MYO3B: variants seen among roughly 807,000 people sequenced by gnomAD.
The protein encoded by MYO3B is myosin IIIB.
A neutral mutation model predicts 174.6 loss-of-function variants in MYO3B; 156 were observed. The observed-to-expected ratio is 0.89, with a 90% CI of 0.78 to 1.02. The LOEUF (loss-of-function observed/expected upper bound fraction) is 1.02. Among genes scored for constraint, MYO3B ranks in the 50% least tolerant of loss-of-function variants. The probability of loss-of-function intolerance (pLI) is 0.00; values close to 1 mark genes in which losing one functional copy is unlikely to be tolerated. For synonymous variants in MYO3B, 563 were observed against 569.1 expected (o/e 0.99, Z 0.15); for missense variants, 1,632 against 1,639.4 (o/e 1.00, Z 0.08).
intron 7 of MYO3B, among the ~76,000 whole-genome samples, chr2:170,295,275 A>G (rs1486821123): frequency 6.6e-6 from 1 of 151,792 alleles, no homozygotes; most frequent in African/African-American, 2.4e-5. Context: ...TATTTCTGAT[A>G]TTTTTGGATT....
chr2:170,528,542 A>G (rs1258199578), intron 30 of MYO3B, among the ~76,000 whole-genome samples: 1 of 152,094 alleles, frequency 6.6e-6, no homozygotes, highest in East Asian at 1.9e-4. Context: ...ACTAGCTGGG[A>G]CTATAGCTGT....
chr2:170,636,957 C>CGTGTGTGTGTGTGTGT (rs3047156), intron 32 of MYO3B, among the ~76,000 whole-genome samples: 2 of 146,578 alleles, frequency 1.4e-5, no homozygotes, highest in East Asian at 2.0e-4. Context: ...TGCTTTTGTG[C>CGTGTGTGTGTGTGTGT]GTGTGTGTGT....
intron 8 of MYO3B, among the ~76,000 whole-genome samples, chr2:170,354,311 G>A (rs2094102733): frequency 6.6e-6 from 1 of 152,168 alleles, no homozygotes; most frequent in Admixed American, 6.5e-5. Flanking sequence ...CCAGAGCACA[G>A]TGGCCTGTCT....
intron 7 of MYO3B, among the ~76,000 whole-genome samples, chr2:170,267,739 T>C (rs1464441517): frequency 6.6e-6 from 1 of 152,142 alleles, no homozygotes; most frequent in Non-Finnish European, 1.5e-5. Context: ...AAATTGCAAA[T>C]ATAGTAATCT....
At chr2:170,630,322 G>A (rs1424306843) in intron 32 of MYO3B, among the ~76,000 whole-genome samples, 1 of 152,122 alleles carries the variant, frequency 6.6e-6, no homozygotes, top group African/African-American at 2.4e-5. Context: ...AGATCAAATT[G>A]CAAGGCGGCA....
intron 16 of MYO3B, 124 bp from the exon 17 acceptor site, chr2:170,400,062 CTG>C: frequency 8.0e-7 from 1 of 1,242,702 alleles, no homozygotes; most frequent in South Asian, 1.4e-5. Flanking sequence ...GGAAATTTTG[CTG>C]TGTGTCCAGG....
At chr2:170,549,408 A>G (rs60552894) in intron 32 of MYO3B, among the ~76,000 whole-genome samples, 3,653 of 152,296 alleles carry the variant, frequency 0.024, 129 homozygotes, top group African/African-American at 0.08. Context: ...ACCTGGCATC[A>G]GGCATTAGTG....
In MYO3B at chr2:170,369,248, G is replaced by T; in HGVS notation, c.842G>T (p.Arg281Leu). 1 of 1,612,952 alleles carries T rather than the reference G, an allele frequency of 6.2e-7. No homozygotes were observed. The highest frequency in any genetic ancestry group is 8.5e-7 in the Non-Finnish European group (1 of 1,179,348). ...TGTCTTATTAAGGATTTTGAAAGGC[G>T]ACCTTCCGTCACACATCTCCTTGAC... ...SQCLIKDFER[R>L]PSVTHLLDHP... The change falls in exon 9 of 35, where the codon CGA (arginine) becomes CTA (leucine). Residue 281 changes from arginine (R) to leucine (L), a missense_variant. Coordinates refer to ENST00000408978, the MANE Select transcript of MYO3B (RefSeq NM_138995.5).
chr2:170,567,727 T>C (rs1018217928), intron 32 of MYO3B, among the ~76,000 whole-genome samples: 1 of 152,044 alleles, frequency 6.6e-6, no homozygotes, highest in Non-Finnish European at 1.5e-5. Flanking sequence ...ACAAACTGAG[T>C]ATCACTGTGA....
At chr2:170,185,226 G>A (rs1486124788) in intron 1 of MYO3B, among the ~76,000 whole-genome samples, 2 of 152,148 alleles carry the variant, frequency 1.3e-5, no homozygotes, top group Non-Finnish European at 2.9e-5. Flanking sequence ...TGCCTGTAGG[G>A]TATCACTCAA....
intron 28 of MYO3B, among the ~76,000 whole-genome samples, chr2:170,511,004 C>T (rs1282133550): frequency 6.6e-6 from 1 of 151,772 alleles, no homozygotes; most frequent in Non-Finnish European, 1.5e-5. Context: ...TGGATTGTTT[C>T]CAGTTCTTGG....
chr2:170,406,009 T>A (rs548359425), intron 21 of MYO3B, among the ~76,000 whole-genome samples: 2 of 152,344 alleles, frequency 1.3e-5, no homozygotes, highest in South Asian at 4.1e-4. Flanking sequence ...ACAGTGGGAC[T>A]CAATTTTTAG....
intron 8 of MYO3B, among the ~76,000 whole-genome samples, chr2:170,356,651 C>A (rs56672224): frequency 6.6e-6 from 1 of 151,780 alleles, no homozygotes; most frequent in Non-Finnish European, 1.5e-5. Context: ...TGTGAGCCAC[C>A]GCACCTGGCT....
intron 1 of MYO3B, among the ~76,000 whole-genome samples, chr2:170,196,939 A>T (rs1159461667): frequency 6.6e-6 from 1 of 152,140 alleles, no homozygotes. Flanking sequence ...GTCACAAGAC[A>T]TGCAACTTCC....
intron 1 of MYO3B, among the ~76,000 whole-genome samples, chr2:170,198,922 A>G (rs1285314796): frequency 6.6e-6 from 1 of 152,082 alleles, no homozygotes; most frequent in African/African-American, 2.4e-5. Context: ...TGACCAGAAC[A>G]TCCTCTTTGG....
intron 22 of MYO3B, among the ~76,000 whole-genome samples, chr2:170,410,378 G>A (rs561297518): frequency 6.6e-5 from 10 of 151,986 alleles, no homozygotes; most frequent in South Asian, 4.2e-4. Context: ...TCAGGAGTTC[G>A]AGACCAGCCT....
intron 9 of MYO3B, among the ~76,000 whole-genome samples, chr2:170,374,228 A>G (rs2094271216): frequency 6.6e-6 from 1 of 152,172 alleles, no homozygotes; most frequent in African/African-American, 2.4e-5. Flanking sequence ...GTGGGCAAGG[A>G]AGCAAGGGAA....
At chr2:170,274,871 T>G (rs1396605127) in intron 7 of MYO3B, among the ~76,000 whole-genome samples, 1 of 152,008 alleles carries the variant, frequency 6.6e-6, no homozygotes, top group African/African-American at 2.4e-5. Flanking sequence ...AATCTTTAAC[T>G]TTTTTTGCAT....
At chr2:170,621,778 C>T (rs1695939513) in intron 32 of MYO3B, among the ~76,000 whole-genome samples, 1 of 152,142 alleles carries the variant, frequency 6.6e-6, no homozygotes, top group Non-Finnish European at 1.5e-5. Context: ...TCCCAAAGTA[C>T]TGGGGCCACC....
Sources: gnomAD v4.1 joint callset for allele counts (sites outside exome capture counted in the v4.1 genomes callset) on GRCh38, gnomAD v4.1.1 for gene constraint, MANE v1.5 for transcripts, NCBI Gene and HGNC (gene_info 2026-07-23, HGNC 2026-07-21) for gene names.